Variants in NDE1 observed in about 807,000 individuals in gnomAD.
The protein encoded by NDE1 is nuclear distribution protein nudE homolog 1.
Under a neutral mutation model 43.4 loss-of-function variants are expected in NDE1, and 28 were observed. The ratio of observed to expected loss-of-function variants is 0.65; its 90% CI spans 0.48 to 0.89. The LOEUF (loss-of-function observed/expected upper bound fraction) is 0.89, where lower values mean the gene tolerates loss of function less well. Ranked by LOEUF, NDE1 falls within the 40% of genes least tolerant of loss-of-function variation. The probability of loss-of-function intolerance (pLI) is 0.00; values close to 1 mark genes in which losing one functional copy is unlikely to be tolerated. For synonymous variants in NDE1, 184 were observed against 172.0 expected, an observed-to-expected ratio of 1.07 and a Z score of -0.55; for missense variants, 441 against 434.1, an observed-to-expected ratio of 1.02 and a Z score of -0.14.
chr16:15,715,397 C>G, intron 8 of NDE1: 1 of 822,316 alleles, frequency 1.2e-6, no homozygotes. Flanking sequence ...TCTCAAGAAT[C>G]AGTCAGATGG....
rs1398486406 is a variant in NDE1 at position 15,726,182 on chromosome 16, C to T, written c.*1931C>T. 4 of 155,440 alleles carry T rather than the reference C, an allele frequency of 2.6e-5. No homozygotes were observed. Among genetic ancestry groups the T allele is most frequent in the Non-Finnish European group, 5.7e-5 (4 of 70,402 alleles). 9.6% of individuals were successfully genotyped at this position (155,440 alleles called of 1,614,324 possible). A position where few individuals can be genotyped will look rare whatever the true frequency, so the allele number is the denominator to read the frequency against. On this transcript the variant is annotated 3_prime_UTR_variant, in exon 9 of 9. Coordinates refer to ENST00000396354, the MANE Select transcript of NDE1 (RefSeq NM_017668.3). ...GCCTTCCCTTTGCTGCATCATTTGA[C>T]ATTCATTTGTGTGATTATTCATGTC...
chr16:15,707,566 C>T (rs1018652224), intron 8 of NDE1, among the ~76,000 whole-genome samples: 8 of 152,162 alleles, frequency 5.3e-5, no homozygotes, highest in African/African-American at 1.9e-4. Context: ...AAGACCTCAC[C>T]CTGCGCTTTA....
chr16:15,694,028 A>C, intron 6 of NDE1, 137 bp from the exon 7 acceptor site: 1 of 1,048,626 alleles, frequency 9.5e-7, no homozygotes. Context: ...TAACTACGGA[A>C]AGAAATAGGG....
intron 5 of NDE1, among the ~76,000 whole-genome samples, chr16:15,690,580 A>G (rs1305166604): frequency 2.0e-5 from 3 of 151,842 alleles, no homozygotes; most frequent in African/African-American, 4.8e-5. Context: ...TTTCAATAAT[A>G]AAAGCATTAG....
chr16:15,685,110 G>A (rs2038372722), intron 4 of NDE1, among the ~76,000 whole-genome samples: 2 of 152,184 alleles, frequency 1.3e-5, no homozygotes, highest in African/African-American at 4.8e-5. Flanking sequence ...TACTCAGTAT[G>A]TCTGCATTTC....
chr16:15,680,631 C>T (rs1386320435), intron 4 of NDE1, among the ~76,000 whole-genome samples: 1 of 152,138 alleles, frequency 6.6e-6, no homozygotes, highest in Non-Finnish European at 1.5e-5. Flanking sequence ...CCACTGCCTT[C>T]CTGCTTCAAG....
chr16:15,718,934 C>T (rs2040317600), intron 8 of NDE1: 1 of 448,808 alleles, frequency 2.2e-6, no homozygotes, highest in Non-Finnish European at 4.1e-6. Context: ...TCAAGACTAG[C>T]CTGGCCAACA....
At chr16:15,723,723 G>A (rs1355331002) in intron 8 of NDE1, among the ~76,000 whole-genome samples, 4 of 152,302 alleles carry the variant, frequency 2.6e-5, no homozygotes, top group African/African-American at 4.8e-5. Context: ...GGTGTTCACC[G>A]TACAATTCTG....
chr16:15,710,410 A>G (rs1026542420), intron 8 of NDE1, among the ~76,000 whole-genome samples: 34 of 152,172 alleles, frequency 2.2e-4, no homozygotes, highest in African/African-American at 7.5e-4. Flanking sequence ...AATCTCAGCT[A>G]CTTGGGAGGC....
At position 15,679,070 on chromosome 16, in the gene NDE1, CTG is replaced by C. The variant is rs1473712587; in HGVS notation, c.386+1123_386+1124del. ...CCAGCCTGGGTGACAGAGCTAGACT[CTG>C]TCTCAAAAACAAAACAAAACAAAAA... On this transcript the variant is annotated intron_variant, in intron 4 of 8. Transcript: ENST00000396354. Among the ~76,000 whole-genome samples the C allele has an allele frequency of 2.4e-4, 36 of 152,062 alleles. No individual in the cohort carries two copies. In the East Asian group the frequency reaches 6.0e-3, roughly 25 times the overall value.
chr16:15,655,277 C>CA (rs1370847641), intron 1 of NDE1, among the ~76,000 whole-genome samples: 2 of 152,136 alleles, frequency 1.3e-5, no homozygotes, highest in Non-Finnish European at 2.9e-5. Flanking sequence ...CTCAGCCTCC[C>CA]AAAGTGCTGG....
intron 4 of NDE1, among the ~76,000 whole-genome samples, chr16:15,682,639 A>T (rs778988444): frequency 7.9e-5 from 12 of 152,248 alleles, no homozygotes; most frequent in African/African-American, 9.6e-5. Context: ...ACTTTGTTTC[A>T]TATGAGTACT....
chr16:15,723,143 T>C (rs2151215510), intron 8 of NDE1, among the ~76,000 whole-genome samples: 1 of 152,296 alleles, frequency 6.6e-6, no homozygotes, highest in South Asian at 2.1e-4. Flanking sequence ...GGGGTTTGGG[T>C]CATACAGGGG....
rs137959808 is a variant in NDE1, at chr16:15,677,741, C to A, written c.238-60C>A. 6.5e-4 allele frequency: 1,037 copies of A among 1,597,920 alleles called. 2 individuals carry two copies. In the African/African-American group the frequency reaches 9.8e-3, roughly 15 times the overall value. On this transcript the variant is annotated intron_variant, in intron 3 of 8. Coordinates refer to ENST00000396354, the MANE Select transcript of NDE1 (RefSeq NM_017668.3). ...TGTGACTCCAGGTGGATGTGTGCTA[C>A]TGTGTCTAGCCTTCTCAGAAGTCTT...
chr16:15,687,112 T>C (rs2038476347), intron 4 of NDE1: 10 of 1,340,114 alleles, frequency 7.5e-6, no homozygotes, highest in Admixed American at 3.0e-5. Context: ...CTTTGGCTTA[T>C]TGCTGAGTGC....
chr16:15,681,243 T>G, intron 4 of NDE1, among the ~76,000 whole-genome samples: 1 of 140,262 alleles, frequency 7.1e-6, no homozygotes. Flanking sequence ...CCAGCACTGT[T>G]AAACACTGCC....
At chr16:15,718,983 C>T in intron 8 of NDE1, 1 of 534,640 alleles carries the variant, frequency 1.9e-6, no homozygotes, top group Non-Finnish European at 3.4e-6. Flanking sequence ...TAAAAATTAG[C>T]CAGGCATGGT....
rs2272557 is a variant in NDE1, at chr16:15,708,695, G to T, written c.947+11835G>T. The T allele has an allele frequency of 5.8e-6, 7 of 1,211,062 alleles. No homozygotes were observed. The East Asian group carries it at 1.5e-4, about 26-fold the overall frequency. 75.0% of individuals were successfully genotyped at this position (1,211,062 alleles called of 1,614,324 possible). On this transcript the variant is annotated intron_variant, in intron 8 of 8. Coordinates refer to ENST00000396354, the MANE Select transcript of NDE1 (RefSeq NM_017668.3). ...AGCCTCCAGATTTTGCAAGAATCTC[G>T]TGGAAATGTGCAAGGGTTTAAAAAT...
chr16:15,661,843 C>T (rs2037061185), intron 1 of NDE1, among the ~76,000 whole-genome samples: 1 of 152,142 alleles, frequency 6.6e-6, no homozygotes, highest in African/African-American at 2.4e-5. Context: ...TTTTCTCTCT[C>T]CCCTGCCCCG....
Sources: gnomAD v4.1 joint callset for allele counts (sites outside exome capture counted in the v4.1 genomes callset) on GRCh38, gnomAD v4.1.1 for gene constraint, MANE v1.5 for transcripts, NCBI Gene and HGNC (gene_info 2026-07-23, HGNC 2026-07-21) for gene names.